Variants in FNDC3A observed in about 807,000 individuals in gnomAD.
FNDC3A encodes fibronectin type III domain containing 3A, also known as fibronectin type-III domain-containing protein 3A.
FNDC3A carries 32 observed loss-of-function variants against 148.9 expected under a neutral mutation model. The ratio of observed to expected loss-of-function variants is 0.21; its 90% CI spans 0.16 to 0.29. The LOEUF (loss-of-function observed/expected upper bound fraction) is 0.29. Among genes scored for constraint, FNDC3A ranks in the 10% least tolerant of loss-of-function variants. FNDC3A has a pLI of 1.00. For missense variants in FNDC3A, 1,191 were observed against 1,452.8 expected, an observed-to-expected ratio of 0.82 and a Z score of 2.93; for synonymous variants, 472 against 473.6, an observed-to-expected ratio of 1.00 and a Z score of 0.04.
At chr13:49,057,719 C>A (rs1876355946) in intron 2 of FNDC3A, among the ~76,000 whole-genome samples, 1 of 151,962 alleles carries the variant, frequency 6.6e-6, no homozygotes, top group African/African-American at 2.4e-5. Context: ...TTGTTCTCAA[C>A]CAATATCAAA....
At chr13:49,055,652 A>G (rs1052295863) in intron 2 of FNDC3A, among the ~76,000 whole-genome samples, 1 of 152,156 alleles carries the variant, frequency 6.6e-6, no homozygotes, top group East Asian at 1.9e-4. Flanking sequence ...ACCAATTGCC[A>G]ATCAGAATAT....
chr13:49,121,447 A>G (rs1881337045), intron 4 of FNDC3A, among the ~76,000 whole-genome samples: 1 of 152,238 alleles, frequency 6.6e-6, no homozygotes, highest in South Asian at 2.1e-4. Context: ...CAGAGAAGCA[A>G]GAGCAAACAA....
chr13:49,112,367 G>C (rs990016207), intron 3 of FNDC3A, among the ~76,000 whole-genome samples: 5 of 152,200 alleles, frequency 3.3e-5, no homozygotes, highest in African/African-American at 1.2e-4. Flanking sequence ...GTTTAAAACA[G>C]TTCTCATTTC....
At chr13:49,038,747 T>G (rs980478945) in intron 2 of FNDC3A, among the ~76,000 whole-genome samples, 1 of 152,234 alleles carries the variant, frequency 6.6e-6, no homozygotes, top group African/African-American at 2.4e-5. Flanking sequence ...GATGTTTACT[T>G]TGTTGTTCTC....
chr13:49,085,329 C>T (rs1008263824), intron 3 of FNDC3A, among the ~76,000 whole-genome samples: 2 of 152,178 alleles, frequency 1.3e-5, no homozygotes, highest in African/African-American at 2.4e-5. Flanking sequence ...AGTTGGAGCT[C>T]CTGGCCTTGT....
At chr13:49,171,949 T>C in intron 10 of FNDC3A, 94 bp from the exon 11 acceptor site, 2 of 839,738 alleles carry the variant, frequency 2.4e-6, no homozygotes, top group East Asian at 2.6e-5. Flanking sequence ...AGAAAACATC[T>C]GCCACATAAA....
chr13:49,069,659 C>A (rs1877514309), intron 2 of FNDC3A, among the ~76,000 whole-genome samples: 1 of 152,148 alleles, frequency 6.6e-6, no homozygotes, highest in South Asian at 2.1e-4. Flanking sequence ...GCTCAGGTAA[C>A]AGACTAATTT....
intron 20 of FNDC3A, 48 bp downstream of exon 20, chr13:49,197,038 ATAGTT>A: frequency 9.2e-7 from 1 of 1,083,148 alleles, no homozygotes; most frequent in Non-Finnish European, 1.4e-6. Flanking sequence ...AGTGAATAGA[ATAGTT>A]TATATAAAAG....
At chr13:49,064,411 CA>C (rs1555286178) in intron 2 of FNDC3A, among the ~76,000 whole-genome samples, 95 of 90,080 alleles carry the variant, frequency 1.1e-3, no homozygotes, top group Middle Eastern at 5.3e-3. Flanking sequence ...GCCCCCCCCC[CA>C]AAAAAAAAAC....
intron 14 of FNDC3A, among the ~76,000 whole-genome samples, chr13:49,181,197 A>G (rs1169098240): frequency 6.6e-6 from 1 of 152,216 alleles, no homozygotes; most frequent in Non-Finnish European, 1.5e-5. Context: ...CTGTTGCACA[A>G]AATTCTCCCA....
At chr13:49,071,019 C>T (rs1397441273) in intron 2 of FNDC3A, among the ~76,000 whole-genome samples, 5 of 149,878 alleles carry the variant, frequency 3.3e-5, no homozygotes, top group African/African-American at 9.8e-5. Flanking sequence ...CTGCCTCAGC[C>T]GCCCAAGTAG....
At chr13:49,013,390 ATTATAC>A (rs1952399922) in intron 2 of FNDC3A, among the ~76,000 whole-genome samples, 1 of 152,048 alleles carries the variant, frequency 6.6e-6, no homozygotes, top group African/African-American at 2.4e-5. Context: ...TAATTTTATT[ATTATAC>A]TTTAAGTTTT....
intron 14 of FNDC3A, among the ~76,000 whole-genome samples, chr13:49,183,531 G>T (rs1885409033): frequency 6.6e-6 from 1 of 152,174 alleles, no homozygotes; most frequent in Admixed American, 6.5e-5. Flanking sequence ...TTTATGACTA[G>T]AAGGTGCTTT....
chr13:49,062,076 C>T (rs554974919), intron 2 of FNDC3A, among the ~76,000 whole-genome samples: 2 of 151,940 alleles, frequency 1.3e-5, no homozygotes, highest in African/African-American at 4.8e-5. Flanking sequence ...CACAAAGCCC[C>T]GAAGTATCAC....
chr13:49,182,461 C>T (rs945486685), intron 14 of FNDC3A, among the ~76,000 whole-genome samples: 1 of 151,860 alleles, frequency 6.6e-6, no homozygotes, highest in Non-Finnish European at 1.5e-5. Context: ...GTGGCCAGTC[C>T]TATAATCCTA....
chr13:48,993,622 G>A (rs1951963093), intron 1 of FNDC3A, among the ~76,000 whole-genome samples: 1 of 152,082 alleles, frequency 6.6e-6, no homozygotes, highest in Non-Finnish European at 1.5e-5. Flanking sequence ...AATTTTGAAT[G>A]CTAGTAACAC....
At chr13:49,056,982 T>C (rs895610480) in intron 2 of FNDC3A, among the ~76,000 whole-genome samples, 2 of 152,222 alleles carry the variant, frequency 1.3e-5, no homozygotes, top group African/African-American at 2.4e-5. Context: ...TATTTTGATA[T>C]TGTGTATTCA....
intron 2 of FNDC3A, among the ~76,000 whole-genome samples, chr13:49,072,256 C>T (rs1032387673): frequency 1.3e-5 from 2 of 152,072 alleles, no homozygotes; most frequent in African/African-American, 4.8e-5. Flanking sequence ...TTTCTGAGCA[C>T]TATTTACTAA....
chr13:49,043,128 T>G (rs953015924), intron 2 of FNDC3A, among the ~76,000 whole-genome samples: 1 of 151,550 alleles, frequency 6.6e-6, no homozygotes, highest in African/African-American at 2.4e-5. Flanking sequence ...GCCAGTTTTT[T>G]TTTTTTTTTT....
Sources: gnomAD v4.1 joint callset for allele counts (sites outside exome capture counted in the v4.1 genomes callset) on GRCh38, gnomAD v4.1.1 for gene constraint, MANE v1.5 for transcripts, NCBI Gene and HGNC (gene_info 2026-07-23, HGNC 2026-07-21) for gene names.